The following PAK5 variants were observed in gnomAD, a reference collection of about 807,000 sequenced individuals.
The protein encoded by PAK5 is p21 (RAC1) activated kinase 5, also known as serine/threonine-protein kinase PAK 5.
PAK5 carries 16 observed loss-of-function variants against 65.9 expected under a neutral mutation model. The observed-to-expected ratio is 0.24, with a 90% CI of 0.16 to 0.37. PAK5 has a LOEUF of 0.37. PAK5 is among the 10% of genes least tolerant of loss of function. The pLI is 1.00. For synonymous variants in PAK5, 371 were observed against 354.9 expected, an observed-to-expected ratio of 1.05 and a Z score of -0.51; for missense variants, 785 against 903.9, an observed-to-expected ratio of 0.87 and a Z score of 1.69.
intron 2 of PAK5, among the ~76,000 whole-genome samples, chr20:9,706,471 CTTTTTTTT>C (rs34420250): frequency 8.0e-6 from 1 of 125,412 alleles, no homozygotes; most frequent in Non-Finnish European, 1.7e-5. Context: ...TCTACAAACT[CTTTTTTTT>C]TTTTTTTTTC....
chr20:9,631,603 T>C (rs1411398386), intron 3 of PAK5, among the ~76,000 whole-genome samples: 1 of 152,160 alleles, frequency 6.6e-6, no homozygotes, highest in African/African-American at 2.4e-5. Flanking sequence ...TGTGAAACCT[T>C]GAGCAAGAAG....
intron 7 of PAK5, among the ~76,000 whole-genome samples, chr20:9,546,223 A>C (rs913283868): frequency 6.6e-6 from 1 of 152,174 alleles, no homozygotes; most frequent in African/African-American, 2.4e-5. Flanking sequence ...AGATTCTATA[A>C]TTATTAATGT....
At chr20:9,777,384 C>T (rs1455608197) in intron 1 of PAK5, among the ~76,000 whole-genome samples, 1 of 152,160 alleles carries the variant, frequency 6.6e-6, no homozygotes, top group Admixed American at 6.5e-5. Flanking sequence ...CAGTGCTGCT[C>T]TATGATAGTG....
chr20:9,755,980 A>T (rs2048629275), intron 1 of PAK5, among the ~76,000 whole-genome samples: 1 of 152,174 alleles, frequency 6.6e-6, no homozygotes, highest in Admixed American at 6.5e-5. Flanking sequence ...CCCATCACTG[A>T]AACATAGCTC....
chr20:9,698,556 C>T (rs1485565941), intron 2 of PAK5, among the ~76,000 whole-genome samples: 1 of 152,190 alleles, frequency 6.6e-6, no homozygotes, highest in Non-Finnish European at 1.5e-5. Context: ...ATTTGGTTTG[C>T]TTTCTAAGTC....
chr20:9,749,618 A>G (rs2048551215), intron 1 of PAK5, among the ~76,000 whole-genome samples: 1 of 152,174 alleles, frequency 6.6e-6, no homozygotes, highest in Non-Finnish European at 1.5e-5. Flanking sequence ...TGTTCCATAG[A>G]TTGATGTAAT....
chr20:9,797,471 G>A (rs2123728541), intron 1 of PAK5, among the ~76,000 whole-genome samples: 1 of 133,686 alleles, frequency 7.5e-6, no homozygotes, highest in East Asian at 2.5e-4. Flanking sequence ...ACAGGAAGGG[G>A]AACATCACAC....
Position 9,539,605 on chromosome 20 carries a change from G to A in PAK5, c.2017C>T (p.Leu673Phe), listed in dbSNP as rs906404941. The change falls in exon 10 of 10, where the codon CTC (leucine) becomes TTC (phenylalanine). Residue 673 changes from leucine to phenylalanine, a missense_variant. Around this residue, in one of 4 missense-constraint regions of PAK5, gnomAD observed 110 missense variants for 107.4 expected, o/e 1.02. Transcript: ENST00000353224. Reference protein sequence around the residue: ...VKDLHKVSSVLRGFLDLMLVR... With the variant: ...VKDLHKVSSVFRGFLDLMLVR... The stretch of plus-strand genomic sequence containing the variant: ...AACATCAAGTCTAGGAATCCCCGGA[G>A]CACTGAAGAAACCTGTGAAAACACA... 1.9e-6 allele frequency: 3 copies of A among 1,613,240 alleles called. No individual in the cohort carries two copies. Among genetic ancestry groups the A allele is most frequent in the Non-Finnish European group, 2.5e-6 (3 of 1,179,866 alleles).
At chr20:9,637,417 A>C (rs1246875575) in intron 3 of PAK5, among the ~76,000 whole-genome samples, 1 of 152,214 alleles carries the variant, frequency 6.6e-6, no homozygotes, top group Non-Finnish European at 1.5e-5. Context: ...GAGTTAAAAA[A>C]AGCAAACTTT....
chr20:9,824,045 A>G (rs915106519), intron 1 of PAK5, among the ~76,000 whole-genome samples: 1 of 152,222 alleles, frequency 6.6e-6, no homozygotes, highest in African/African-American at 2.4e-5. Flanking sequence ...ATATAACACA[A>G]TATCTGGCAT....
At chr20:9,548,456 C>T (rs1489577138) in intron 7 of PAK5, among the ~76,000 whole-genome samples, 2 of 151,954 alleles carry the variant, frequency 1.3e-5, no homozygotes, top group Admixed American at 6.6e-5. Context: ...TATACATGTG[C>T]CATGCTGGTG....
intron 1 of PAK5, among the ~76,000 whole-genome samples, chr20:9,754,628 A>G (rs1320985683): frequency 6.6e-6 from 1 of 152,142 alleles, no homozygotes; most frequent in African/African-American, 2.4e-5. Flanking sequence ...CATAATTTCT[A>G]ATCTTGTCGT....
At chr20:9,804,651 A>T (rs542648170) in intron 1 of PAK5, among the ~76,000 whole-genome samples, 1 of 152,340 alleles carries the variant, frequency 6.6e-6, no homozygotes, top group East Asian at 1.9e-4. Context: ...ATGACATCAA[A>T]TTTGGCAGTG....
At chr20:9,763,949 C>T (rs2048728482) in intron 1 of PAK5, among the ~76,000 whole-genome samples, 1 of 152,142 alleles carries the variant, frequency 6.6e-6, no homozygotes, top group East Asian at 1.9e-4. Flanking sequence ...TATGACACTT[C>T]ACCACTAATC....
chr20:9,745,555 T>C (rs1290778729), intron 1 of PAK5, among the ~76,000 whole-genome samples: 2 of 152,096 alleles, frequency 1.3e-5, no homozygotes, highest in Non-Finnish European at 2.9e-5. Context: ...AATTTATTAG[T>C]GTTGCAATAT....
intron 1 of PAK5, among the ~76,000 whole-genome samples, chr20:9,810,449 G>A (rs908322965): frequency 2.0e-5 from 3 of 152,084 alleles, no homozygotes; most frequent in Admixed American, 6.6e-5. Context: ...TGCACCTGAC[G>A]TGGGAGGATC....
intron 4 of PAK5, among the ~76,000 whole-genome samples, chr20:9,578,177 A>T (rs1395511787): frequency 1.3e-5 from 2 of 152,128 alleles, no homozygotes; most frequent in Non-Finnish European, 2.9e-5. Context: ...CAACCAACTA[A>T]TTATGAAACT....
intron 1 of PAK5, among the ~76,000 whole-genome samples, chr20:9,770,059 G>A (rs1337325745): frequency 1.3e-5 from 2 of 152,000 alleles, no homozygotes; most frequent in Non-Finnish European, 2.9e-5. Flanking sequence ...TTTTTAGATG[G>A]GGAAAAAATA....
rs2045961629 is a variant in PAK5, at chr20:9,580,603, C to A, written c.532G>T (p.Gly178Trp). 1 of 1,614,082 alleles carries A rather than the reference C, an allele frequency of 6.2e-7. No individual in the cohort carries two copies. Among genetic ancestry groups the A allele is most frequent in the Non-Finnish European group, 8.5e-7 (1 of 1,180,018 alleles). Residue 178 changes from glycine to tryptophan, a missense_variant, in exon 4 of 10, where the codon GGG (glycine) becomes TGG (tryptophan). Coordinates refer to ENST00000353224, the MANE Select transcript of PAK5 (RefSeq NM_177990.4). ...TTCACCTCAGAATAGTAGGCCTCCCCGTGCTTCATTTTCATTACGTGCCCA... is the reference window on the plus strand; with the variant it reads ...TTCACCTCAGAATAGTAGGCCTCCCAGTGCTTCATTTTCATTACGTGCCCA... Reference protein sequence around the residue: ...QNGHVMKMKHGEAYYSEVKPL... With the variant: ...QNGHVMKMKHWEAYYSEVKPL...
Sources: allele counts gnomAD v4.1 joint callset (sites outside exome capture counted in the v4.1 genomes callset), GRCh38; gene constraint gnomAD v4.1.1; regional missense constraint gnomAD v4.1.1; transcripts MANE v1.5; gene names NCBI Gene and HGNC (gene_info 2026-07-23, HGNC 2026-07-21).